Variants in ZSCAN18 observed in about 807,000 individuals in gnomAD.
The protein encoded by ZSCAN18 is zinc finger and SCAN domain containing 18, also known as zinc finger and SCAN domain-containing protein 18.
In ZSCAN18, 16 loss-of-function variants were observed where a neutral mutation model predicts 31.1. The observed-to-expected ratio is 0.51, with a 90% CI of 0.35 to 0.78. The LOEUF (loss-of-function observed/expected upper bound fraction) is 0.78, where lower values mean the gene tolerates loss of function less well. Ranked by LOEUF, ZSCAN18 falls within the 30% of genes least tolerant of loss-of-function variation. The probability of loss-of-function intolerance (pLI) is 0.01; values close to 1 mark genes in which losing one functional copy is unlikely to be tolerated. For synonymous variants in ZSCAN18, 375 were observed against 320.7 expected, an observed-to-expected ratio of 1.17 and a Z score of -1.81; for missense variants, 731 against 697.4, an observed-to-expected ratio of 1.05 and a Z score of -0.54.
Position 58,086,271 on chromosome 19 carries a change from G to T in ZSCAN18, c.746-5C>A. 3.7e-6 allele frequency: 6 copies of T among 1,613,192 alleles called. No homozygotes were observed. The highest frequency in any genetic ancestry group is 2.5e-6 in the Non-Finnish European group (3 of 1,179,424). ...CAGGCTGGGAAAGCTGATACCCTGA[G>T]TGGGGTTAAAAACCAAAGAAATAAA... On this transcript the variant is annotated splice_region_variant and splice_polypyrimidine_tract_variant and intron_variant, in intron 5 of 6. Transcript: ENST00000601144.
chr19:58,085,777 G>T (rs535543074), intron 6 of ZSCAN18: 22 of 320,424 alleles, frequency 6.9e-5, no homozygotes, highest in African/African-American at 3.5e-4. Flanking sequence ...AGAGAGTGGG[G>T]TCAATAGCTA....
chr19:58,085,642 CG>C, intron 6 of ZSCAN18: 4 of 504,234 alleles, frequency 7.9e-6, no homozygotes, highest in Non-Finnish European at 1.0e-5. Context: ...CCACTGAGCC[CG>C]GGTTCTGGAA....
intron 1 of ZSCAN18, chr19:58,107,680 T>C (rs1383065174): frequency 2.0e-6 from 2 of 987,218 alleles, no homozygotes; most frequent in East Asian, 2.2e-4. Flanking sequence ...ACATAAACTC[T>C]TCAACATGAA....
rs1315248575 is a variant in ZSCAN18 at position 58,107,976 on chromosome 19, T to A, written c.130+10291A>T. 5 of 1,051,264 alleles carry A rather than the reference T, an allele frequency of 4.8e-6. No individual in the cohort carries two copies. In the African/African-American group the frequency reaches 8.5e-5, roughly 18 times the overall value. 65.1% of individuals were successfully genotyped at this position (1,051,264 alleles called of 1,614,324 possible). A position where few individuals can be genotyped will look rare whatever the true frequency, so the allele number is the denominator to read the frequency against. On this transcript the variant is annotated intron_variant, in intron 1 of 1. Transcript: ENST00000595721. ...CTGGTGCCAGATGAGGCCCGCGATG[T>A]TCCTGAAAAGTTTGACACTGGTTAC...
chr19:58,087,055 G>A (rs1165488613), intron 4 of ZSCAN18, 47 bp from the exon 5 acceptor site: 1 of 1,474,180 alleles, frequency 6.8e-7, no homozygotes, highest in East Asian at 2.4e-5. Flanking sequence ...CCTAGAGAAG[G>A]GAGGACCCGC....
At chr19:58,092,764 A>G in intron 1 of ZSCAN18, 1 of 959,454 alleles carries the variant, frequency 1.0e-6, no homozygotes, top group Non-Finnish European at 1.2e-6. Flanking sequence ...CCACCACGAT[A>G]CCTCTACTTT....
chr19:58,092,771 C>CTTTTTT, intron 1 of ZSCAN18: 6 of 761,964 alleles, frequency 7.9e-6, no homozygotes, highest in Non-Finnish European at 9.4e-6. Flanking sequence ...GATACCTCTA[C>CTTTTTT]TTTTTTTTTT....
intron 1 of ZSCAN18, among the ~76,000 whole-genome samples, chr19:58,106,904 G>A (rs1488134389): frequency 6.6e-6 from 1 of 151,476 alleles, no homozygotes; most frequent in Admixed American, 6.6e-5. Flanking sequence ...GGGATTACAG[G>A]TGTGCACCAT....
At chr19:58,091,771 G>A (rs1338268798) in intron 1 of ZSCAN18, among the ~76,000 whole-genome samples, 6 of 152,280 alleles carry the variant, frequency 3.9e-5, no homozygotes, top group African/African-American at 1.4e-4. Context: ...TCATGTCACT[G>A]GCTATGGACA....
chr19:58,094,877 CAAAAAAAAAAAAAA>C (rs56377325), intron 1 of ZSCAN18, among the ~76,000 whole-genome samples: 3 of 35,282 alleles, frequency 8.5e-5, no homozygotes, highest in East Asian at 1.1e-3. Context: ...GACCCTGTCG[CAAAAAAAAAAAAAA>C]AAAAAAAAAA....
At position 58,086,911 on chromosome 19, in the gene ZSCAN18, A is replaced by G. The variant is rs1303213326; in HGVS notation, c.740T>C (p.Leu247Pro). ...CCGAGGCAGGCGACTCTCACCCCAC[A>G]GGAGCAGCTTCCGGTAGCTCTTCAG... is the stretch of plus-strand genomic sequence containing the variant. ...ENLKSYRKLL[L>P]WGYQLSQPDA... The change falls in exon 5 of 7, where the codon CTG becomes CCG. Residue 247 changes from leucine to proline, a missense_variant. Transcript: ENST00000601144. 3 of 1,613,394 alleles carry G rather than the reference A, an allele frequency of 1.9e-6. No individual in the cohort carries two copies. In the African/African-American group the frequency reaches 4.0e-5, roughly 22 times the overall value.
intron 1 of ZSCAN18, among the ~76,000 whole-genome samples, chr19:58,107,369 C>G (rs12981338): frequency 0.36 from 54,417 of 151,250 alleles, 10,963 homozygotes; most frequent in South Asian, 0.51. Context: ...CCAGCCTGAC[C>G]AACATGGTGA....
At chr19:58,098,243 T>G (rs543853571), upstream of ZSCAN18, 104 of 985,454 alleles carry the variant, frequency 1.1e-4, 1 homozygote, top group South Asian at 4.1e-3. Context: ...GCCGGCAAAC[T>G]GCGCCTGCGC....
intron 5 of ZSCAN18, chr19:58,086,469 G>A (rs368801247): frequency 4.3e-5 from 23 of 532,064 alleles, no homozygotes; most frequent in African/African-American, 2.5e-4. Context: ...CGGGGCAGGC[G>A]GAGGCAGGAC....
rs2145963346 is a variant in ZSCAN18 at position 58,085,279 on chromosome 19, G to A, written c.939C>T (p.Ala313=). 1.9e-6 allele frequency: 3 copies of A among 1,601,350 alleles called. No individual in the cohort carries two copies. The highest frequency in any genetic ancestry group is 1.7e-6 in the Non-Finnish European group (2 of 1,177,898). ...ELPTEAPPGD[A]LADPPSGTTE... The stretch of plus-strand genomic sequence containing the variant: ...TGGTGCCCGACGGGGGATCGGCAAG[G>A]GCGTCCCCAGGGGGCGCCTCCGTAG... Residue 313 remains alanine, a synonymous_variant, in exon 7 of 7, where the codon GCC becomes GCT. Transcript: ENST00000601144.
intron 1 of ZSCAN18, among the ~76,000 whole-genome samples, chr19:58,111,125 G>A (rs888570670): frequency 1.8e-4 from 27 of 151,724 alleles, no homozygotes; most frequent in South Asian, 4.2e-4. Context: ...CTGAGATCGC[G>A]CCACTGCACT....
chr19:58,109,236 C>G, intron 1 of ZSCAN18: 1 of 1,231,682 alleles, frequency 8.1e-7, no homozygotes, highest in Middle Eastern at 3.1e-4. Context: ...TTTATTTTCA[C>G]CAAATTGGAT....
At chr19:58,096,842 G>T (rs2074527811) in intron 1 of ZSCAN18, among the ~76,000 whole-genome samples, 1 of 152,116 alleles carries the variant, frequency 6.6e-6, no homozygotes, top group South Asian at 2.1e-4. Flanking sequence ...TTAAAAGAAT[G>T]AAAAAACATG....
intron 1 of ZSCAN18, among the ~76,000 whole-genome samples, chr19:58,103,959 T>C (rs1386222966): frequency 3.3e-5 from 5 of 152,176 alleles, no homozygotes; most frequent in Non-Finnish European, 7.3e-5. Flanking sequence ...GCTTTAATGG[T>C]CTGGATAGGA....
Sources: gnomAD v4.1 joint callset for allele counts (sites outside exome capture counted in the v4.1 genomes callset) on GRCh38, gnomAD v4.1.1 for gene constraint, MANE v1.5 for transcripts, NCBI Gene and HGNC (gene_info 2026-07-23, HGNC 2026-07-21) for gene names.